The following CNTN4 variants were observed in gnomAD, a reference collection of about 807,000 sequenced individuals.
CNTN4 encodes contactin-4.
CNTN4 carries 77 observed loss-of-function variants against 122.5 expected under a neutral mutation model. That is an observed-to-expected ratio of 0.63 (90% CI 0.52 to 0.76). The LOEUF is 0.76. Among genes scored for constraint, CNTN4 ranks in the 30% least tolerant of loss-of-function variants. The pLI, the probability that CNTN4 is intolerant of heterozygous loss-of-function variation, is 0.00. For synonymous variants in CNTN4, 512 were observed against 447.0 expected, an observed-to-expected ratio of 1.15 and a Z score of -1.83; for missense variants, 1,256 against 1,259.1, an observed-to-expected ratio of 1.00 and a Z score of 0.04.
intron 2 of CNTN4, among the ~76,000 whole-genome samples, chr3:2,247,283 A>G (rs1190103361): frequency 6.6e-6 from 1 of 152,034 alleles, no homozygotes; most frequent in Non-Finnish European, 1.5e-5. Flanking sequence ...TTAAATCATC[A>G]GATGCCATAG....
intron 2 of CNTN4, among the ~76,000 whole-genome samples, chr3:2,261,752 G>A (rs910282120): frequency 6.6e-6 from 1 of 152,162 alleles, no homozygotes; most frequent in African/African-American, 2.4e-5. Context: ...GTTAGATGTG[G>A]AATTTTCAGA....
At chr3:2,268,085 C>T (rs2041127575) in intron 2 of CNTN4, among the ~76,000 whole-genome samples, 1 of 152,060 alleles carries the variant, frequency 6.6e-6, no homozygotes, top group Admixed American at 6.6e-5. Flanking sequence ...GTTTTACTAA[C>T]ATATGTTAAG....
intron 6 of CNTN4, among the ~76,000 whole-genome samples, chr3:2,803,596 G>T (rs2092397032): frequency 1.4e-5 from 2 of 147,542 alleles, no homozygotes; most frequent in African/African-American, 5.0e-5. Context: ...GCCTCGCTCT[G>T]TCGCCCAGGC....
chr3:2,273,435 A>T (rs1575231012), intron 2 of CNTN4, among the ~76,000 whole-genome samples: 1 of 152,132 alleles, frequency 6.6e-6, no homozygotes, highest in East Asian at 1.9e-4. Flanking sequence ...TGTCTCTTCC[A>T]GTTGTTTTTC....
At chr3:2,152,671 AG>A (rs1213375545) in intron 2 of CNTN4, among the ~76,000 whole-genome samples, 1 of 152,144 alleles carries the variant, frequency 6.6e-6, no homozygotes, top group Non-Finnish European at 1.5e-5. Flanking sequence ...GGATTGGATG[AG>A]GTGAGGAGTG....
chr3:2,521,956 C>A (rs962041814), intron 3 of CNTN4, among the ~76,000 whole-genome samples: 1 of 152,020 alleles, frequency 6.6e-6, no homozygotes. Flanking sequence ...GTAAAGTGGT[C>A]CTGATCCCGT....
At chr3:2,308,143 A>G (rs2042786852) in intron 2 of CNTN4, among the ~76,000 whole-genome samples, 3 of 152,066 alleles carry the variant, frequency 2.0e-5, no homozygotes, top group Admixed American at 6.5e-5. Context: ...TTGTCTTTCT[A>G]GGAATTTTTC....
chr3:2,491,408 A>ATGATAAATGTGTAT (rs2076313573), intron 3 of CNTN4, among the ~76,000 whole-genome samples: 3 of 152,220 alleles, frequency 2.0e-5, no homozygotes, highest in Non-Finnish European at 4.4e-5. Flanking sequence ...ACACGTGTAT[A>ATGATAAATGTGTAT]GATAGATATA....
rs949030042 is a variant in CNTN4, at chr3:2,270,409, G to C, written c.-144-68769G>C. 1.2e-4 allele frequency among the ~76,000 whole-genome samples: 19 copies of C among 152,068 alleles called. 1 individual carries two copies. The South Asian group carries it at 2.3e-3, about 18-fold the overall frequency. The stretch of plus-strand genomic sequence containing the variant: ...AGCCAGTTTAAAGTGTGTACATTGG[G>C]GAAGGGGGGGAATGAGGTTGTTCTT... On this transcript the variant is annotated intron_variant, in intron 2 of 24. Transcript: ENST00000418658.
intron 14 of CNTN4, among the ~76,000 whole-genome samples, chr3:3,012,598 C>T (rs1028350928): frequency 1.3e-5 from 2 of 151,954 alleles, no homozygotes; most frequent in Non-Finnish European, 2.9e-5. Flanking sequence ...TACAGATGCA[C>T]ACCACCACAC....
chr3:2,844,274 A>T (rs917838303), intron 7 of CNTN4, among the ~76,000 whole-genome samples: 5 of 152,242 alleles, frequency 3.3e-5, no homozygotes, highest in South Asian at 4.1e-4. Context: ...GTACTGTGTG[A>T]CATAATACTC....
At chr3:2,897,629 A>G (rs567229892) in intron 10 of CNTN4, among the ~76,000 whole-genome samples, 1 of 152,172 alleles carries the variant, frequency 6.6e-6, no homozygotes, top group East Asian at 1.9e-4. Flanking sequence ...AAGTTTATTT[A>G]TGTTTTAGAT....
rs868180911 is a variant in CNTN4 at position 2,283,359 on chromosome 3, A to G, written c.-144-55819A>G. Among the ~76,000 whole-genome samples, 18 of 152,262 alleles carry G rather than the reference A, an allele frequency of 1.2e-4. No homozygotes were observed. In the South Asian group the frequency reaches 3.5e-3, roughly 30 times the overall value. ...TAAGAAACACATATTACAATCCTTTATAATGTTAACTTAGTATGTATTCCA... is the reference window on the plus strand; with the variant it reads ...TAAGAAACACATATTACAATCCTTTGTAATGTTAACTTAGTATGTATTCCA... On this transcript the variant is annotated intron_variant, in intron 2 of 24. Coordinates refer to ENST00000418658, the MANE Select transcript of CNTN4 (RefSeq NM_175607.3).
intron 3 of CNTN4, among the ~76,000 whole-genome samples, chr3:2,441,635 A>G (rs75357746): frequency 0.034 from 5,204 of 152,236 alleles, 308 homozygotes; most frequent in African/African-American, 0.11. Flanking sequence ...TCAAACATAG[A>G]TTTGCAGGTG....
intron 3 of CNTN4, among the ~76,000 whole-genome samples, chr3:2,450,572 A>G (rs2151356409): frequency 6.6e-6 from 1 of 152,014 alleles, no homozygotes; most frequent in East Asian, 1.9e-4. Context: ...GATTCCTTGG[A>G]GGTGTAAAGG....
rs1363785090 is a variant in CNTN4, at chr3:2,576,315, G to A, written c.55+4757G>A. Among the ~76,000 whole-genome samples, 5 of 152,280 alleles carry A rather than the reference G, an allele frequency of 3.3e-5. No individual in the cohort carries two copies. In the East Asian group the frequency reaches 9.7e-4, roughly 29 times the overall value. Reference sequence around the variant, plus strand: ...TGCTGCAGCCTGGCCAGTCATGAGAGAAAGAGACTAGATCTCCAGTTTCAA... The same window carrying A: ...TGCTGCAGCCTGGCCAGTCATGAGAAAAAGAGACTAGATCTCCAGTTTCAA... On this transcript the variant is annotated intron_variant, in intron 4 of 24. Coordinates refer to ENST00000418658, the MANE Select transcript of CNTN4 (RefSeq NM_175607.3).
intron 4 of CNTN4, among the ~76,000 whole-genome samples, chr3:2,657,645 C>T (rs73112545): frequency 0.22 from 32,734 of 151,858 alleles, 3,737 homozygotes; most frequent in African/African-American, 0.29. Flanking sequence ...GGTGCGTATG[C>T]GCAGTTTCTC....
intron 2 of CNTN4, among the ~76,000 whole-genome samples, chr3:2,259,539 C>T (rs1213871724): frequency 9.2e-5 from 14 of 152,152 alleles, no homozygotes; most frequent in African/African-American, 3.1e-4. Context: ...CACAGTTCCA[C>T]GTGTCTGGAG....
intron 3 of CNTN4, among the ~76,000 whole-genome samples, chr3:2,443,584 T>A (rs1013852254): frequency 5.3e-5 from 8 of 152,100 alleles, no homozygotes; most frequent in African/African-American, 1.9e-4. Flanking sequence ...ATCACAATAG[T>A]CCAATAAGAA....
Sources: allele counts gnomAD v4.1 joint callset (sites outside exome capture counted in the v4.1 genomes callset), GRCh38; gene constraint gnomAD v4.1.1; transcripts MANE v1.5; gene names NCBI Gene and HGNC (gene_info 2026-07-23, HGNC 2026-07-21).